Variants in ZNF385D observed in about 807,000 individuals in gnomAD.
ZNF385D encodes the protein zinc finger protein 659.
In ZNF385D, 15 loss-of-function variants were observed where a neutral mutation model predicts 35.8. The ratio of observed to expected loss-of-function variants is 0.42; its 90% CI spans 0.28 to 0.64. The LOEUF is 0.64. Among genes scored for constraint, ZNF385D ranks in the 30% least tolerant of loss-of-function variants. The pLI is 0.23. For synonymous variants in ZNF385D, 212 were observed against 186.8 expected (o/e 1.13, Z -1.10); for missense variants, 474 against 494.6 (o/e 0.96, Z 0.39).
chr3:22,181,217 G>C (rs1451723602), intron 2 of ZNF385D, among the ~76,000 whole-genome samples: 1 of 151,800 alleles, frequency 6.6e-6, no homozygotes. Context: ...AACGATTCAG[G>C]ATATCTTCAG....
At chr3:22,287,487 T>C (rs1437314724) in intron 2 of ZNF385D, among the ~76,000 whole-genome samples, 5 of 152,026 alleles carry the variant, frequency 3.3e-5, no homozygotes, top group Non-Finnish European at 7.4e-5. Flanking sequence ...TTCTCTCTAA[T>C]GATATACTCT....
chr3:21,534,561 A>G (rs1241682506), intron 3 of ZNF385D, among the ~76,000 whole-genome samples: 1 of 152,142 alleles, frequency 6.6e-6, no homozygotes, highest in African/African-American at 2.4e-5. Context: ...GCTAACTCGG[A>G]TAAGCACAGC....
intron 2 of ZNF385D, among the ~76,000 whole-genome samples, chr3:22,173,887 G>T (rs770087086): frequency 6.6e-6 from 1 of 152,094 alleles, no homozygotes. Context: ...GAACACAGTT[G>T]TAAGTCATTT....
At chr3:21,756,243 AC>A (rs2070334702) in intron 3 of ZNF385D, among the ~76,000 whole-genome samples, 1 of 152,200 alleles carries the variant, frequency 6.6e-6, no homozygotes, top group South Asian at 2.1e-4. Flanking sequence ...CAGATTCTCT[AC>A]ATGTACCAAA....
At chr3:21,955,012 A>G (rs567476389) in intron 3 of ZNF385D, among the ~76,000 whole-genome samples, 1 of 152,316 alleles carries the variant, frequency 6.6e-6, no homozygotes, top group South Asian at 2.1e-4. Context: ...GGAATGCTTA[A>G]GACTGACTTT....
chr3:21,604,163 C>T (rs935885791), intron 2 of ZNF385D, among the ~76,000 whole-genome samples: 4 of 152,094 alleles, frequency 2.6e-5, no homozygotes, highest in African/African-American at 7.2e-5. Flanking sequence ...TGTAGGCAAA[C>T]GTAGCCTAAT....
intron 2 of ZNF385D, among the ~76,000 whole-genome samples, chr3:22,269,736 A>G (rs148017868): frequency 1.3e-5 from 2 of 151,980 alleles, no homozygotes; most frequent in Non-Finnish European, 2.9e-5. Context: ...GGGTAGGTAA[A>G]GAACAGTTAA....
At chr3:21,955,548 C>A (rs1228408299) in intron 3 of ZNF385D, among the ~76,000 whole-genome samples, 1 of 152,108 alleles carries the variant, frequency 6.6e-6, no homozygotes, top group Non-Finnish European at 1.5e-5. Context: ...AGAATCATCT[C>A]TGTTAAAACT....
chr3:22,316,083 C>A (rs1026013633), intron 2 of ZNF385D, among the ~76,000 whole-genome samples: 1 of 152,174 alleles, frequency 6.6e-6, no homozygotes, highest in Non-Finnish European at 1.5e-5. Flanking sequence ...ACTGACCCCA[C>A]CCTGCATCTG....
intron 3 of ZNF385D, among the ~76,000 whole-genome samples, chr3:22,081,069 T>A (rs988870550): frequency 3.9e-5 from 6 of 152,212 alleles, no homozygotes; most frequent in African/African-American, 1.4e-4. Flanking sequence ...TATCTCCAAC[T>A]AAATTATAAA....
At chr3:21,678,604 C>T (rs1269134922) in intron 1 of ZNF385D, among the ~76,000 whole-genome samples, 1 of 152,080 alleles carries the variant, frequency 6.6e-6, no homozygotes, top group East Asian at 1.9e-4. Flanking sequence ...ATTCATGGGC[C>T]TGTTTGACTT....
chr3:21,962,346 T>C (rs1463527956), intron 3 of ZNF385D, among the ~76,000 whole-genome samples: 1 of 152,104 alleles, frequency 6.6e-6, no homozygotes, highest in African/African-American at 2.4e-5. Flanking sequence ...CAACAGGGGA[T>C]GGCAGAACCA....
chr3:21,541,552 C>A (rs1447027641), intron 3 of ZNF385D, among the ~76,000 whole-genome samples: 2 of 152,088 alleles, frequency 1.3e-5, no homozygotes, highest in Non-Finnish European at 2.9e-5. Flanking sequence ...CACAAAACCC[C>A]AAATTACACA....
chr3:21,630,148 T>G (rs2065240845), intron 2 of ZNF385D, among the ~76,000 whole-genome samples: 1 of 151,950 alleles, frequency 6.6e-6, no homozygotes, highest in East Asian at 1.9e-4. Flanking sequence ...AGCTAAGAAA[T>G]GGTAGAACCA....
intron 1 of ZNF385D, among the ~76,000 whole-genome samples, chr3:21,700,776 G>A (rs1390677171): frequency 1.3e-5 from 2 of 152,180 alleles, no homozygotes; most frequent in Non-Finnish European, 2.9e-5. Context: ...TAAGTGATAT[G>A]TATTAATGTT....
intron 1 of ZNF385D, among the ~76,000 whole-genome samples, chr3:21,684,115 CT>C (rs1348026429): frequency 6.7e-6 from 1 of 149,648 alleles, no homozygotes; most frequent in East Asian, 2.0e-4. Context: ...CTAAAGCTCC[CT>C]AGTTGAACTG....
At chr3:21,706,676 G>A (rs771728963) in intron 1 of ZNF385D, among the ~76,000 whole-genome samples, 5 of 152,094 alleles carry the variant, frequency 3.3e-5, no homozygotes, top group Admixed American at 6.5e-5. Flanking sequence ...GTCAGTTATA[G>A]TTAAGACCAA....
intron 3 of ZNF385D, among the ~76,000 whole-genome samples, chr3:22,108,397 C>A (rs573876338): frequency 4.6e-5 from 7 of 150,888 alleles, no homozygotes; most frequent in Non-Finnish European, 7.4e-5. Context: ...TGTCAAAACA[C>A]AAAACTTCCT....
At chr3:21,792,749 T>C (rs73040930) in intron 3 of ZNF385D, among the ~76,000 whole-genome samples, 4,431 of 152,216 alleles carry the variant, frequency 0.029, 119 homozygotes, top group Non-Finnish European at 0.039. Flanking sequence ...TTACTCCCAA[T>C]TGCATAAAGT....
Sources: allele counts gnomAD v4.1 joint callset (sites outside exome capture counted in the v4.1 genomes callset), GRCh38; gene constraint gnomAD v4.1.1; transcripts MANE v1.5; gene names NCBI Gene and HGNC (gene_info 2026-07-23, HGNC 2026-07-21).